SPOCK3: variants seen among roughly 807,000 people sequenced by gnomAD.
SPOCK3 encodes the protein testican-3.
In SPOCK3, 30 loss-of-function variants were observed where a neutral mutation model predicts 56.6. The observed-to-expected ratio is 0.53, with a 90% CI of 0.40 to 0.72. SPOCK3 has a LOEUF of 0.72. Among genes scored for constraint, SPOCK3 ranks in the 30% least tolerant of loss-of-function variants. The pLI, the probability that SPOCK3 is intolerant of heterozygous loss-of-function variation, is 0.00. For synonymous variants in SPOCK3, 196 were observed against 183.3 expected, an observed-to-expected ratio of 1.07 and a Z score of -0.56; for missense variants, 527 against 530.0, an observed-to-expected ratio of 0.99 and a Z score of 0.06.
intron 2 of SPOCK3, among the ~76,000 whole-genome samples, chr4:167,172,286 T>G (rs1730571968): frequency 6.6e-6 from 1 of 152,196 alleles, no homozygotes. Flanking sequence ...TTTTACAAAC[T>G]TCATTGACTT....
rs377135382 is a variant in SPOCK3 at position 166,924,201 on chromosome 4, A to C, written c.351-11458T>G. Among the ~76,000 whole-genome samples the C allele has an allele frequency of 7.3e-4, 111 of 152,176 alleles. 1 individual carries two copies. Among genetic ancestry groups the C allele is most frequent in the African/African-American group, 2.7e-3 (110 of 41,450 alleles). On this transcript the variant is annotated intron_variant, in intron 4 of 10. Coordinates refer to ENST00000357545, the MANE Select transcript of SPOCK3 (RefSeq NM_001040159.2). ...TCAATGTTATTTTATGCCATAATAT[A>C]AAGGAACATCACAAAATATTTAACA...
chr4:167,038,977 G>C (rs1275131113), intron 3 of SPOCK3, among the ~76,000 whole-genome samples: 1 of 151,996 alleles, frequency 6.6e-6, no homozygotes, highest in Non-Finnish European at 1.5e-5. Context: ...CTGCAAACTA[G>C]GTAGCTTAAA....
chr4:167,194,512 C>T (rs909272129), intron 2 of SPOCK3, among the ~76,000 whole-genome samples: 4 of 152,308 alleles, frequency 2.6e-5, no homozygotes, highest in African/African-American at 7.2e-5. Context: ...TTGTGATCCA[C>T]GTAGCCTTTC....
intron 2 of SPOCK3, among the ~76,000 whole-genome samples, chr4:167,205,499 ATATAT>A (rs1367129528): frequency 7.3e-5 from 4 of 54,984 alleles, no homozygotes; most frequent in African/African-American, 2.4e-4. Flanking sequence ...AATATATAAT[ATATAT>A]TATATAATAT....
rs140335382 is a variant in SPOCK3 at position 166,778,567 on chromosome 4, T to A, written c.709+13603A>T. Among the ~76,000 whole-genome samples the A allele has an allele frequency of 1.8e-3, 281 of 152,268 alleles. 1 individual carries two copies. The highest frequency in any genetic ancestry group is 6.3e-3 in the African/African-American group (263 of 41,554). On this transcript the variant is annotated intron_variant, in intron 7 of 10. Coordinates refer to ENST00000357545, the MANE Select transcript of SPOCK3 (RefSeq NM_001040159.2). Reference sequence around the variant, plus strand: ...CCATTCTGGTCCACACAGGATTCAATACACACTACTAGGCCTTGATTATTC... The same window carrying A: ...CCATTCTGGTCCACACAGGATTCAAAACACACTACTAGGCCTTGATTATTC...
intron 2 of SPOCK3, among the ~76,000 whole-genome samples, chr4:167,134,038 T>C (rs1762911942): frequency 7.0e-6 from 1 of 143,254 alleles, no homozygotes; most frequent in Admixed American, 7.0e-5. Context: ...TTTTTTTTTT[T>C]TTTTTTTTGA....
chr4:166,944,069 C>A (rs765465684), intron 4 of SPOCK3, among the ~76,000 whole-genome samples: 11 of 152,152 alleles, frequency 7.2e-5, no homozygotes, highest in Non-Finnish European at 1.6e-4. Flanking sequence ...ATCACTTGAA[C>A]CCGGGAGGCG....
chr4:167,030,091 A>G (rs1269139444), intron 3 of SPOCK3, among the ~76,000 whole-genome samples: 3 of 139,784 alleles, frequency 2.1e-5, no homozygotes, highest in Non-Finnish European at 4.7e-5. Flanking sequence ...CATTCTATCT[A>G]TCTATCTATC....
chr4:166,965,648 A>C (rs1223694482), intron 4 of SPOCK3, among the ~76,000 whole-genome samples: 1 of 151,922 alleles, frequency 6.6e-6, no homozygotes. Flanking sequence ...TCAAGTCTGA[A>C]AAATTATTGC....
At chr4:167,215,043 T>A (rs1735227702) in intron 2 of SPOCK3, among the ~76,000 whole-genome samples, 1 of 151,672 alleles carries the variant, frequency 6.6e-6, no homozygotes, top group African/African-American at 2.4e-5. Flanking sequence ...AAAGTTACAG[T>A]GTTCTTGTAA....
At chr4:167,055,472 C>T (rs1416696713) in intron 3 of SPOCK3, among the ~76,000 whole-genome samples, 2 of 152,110 alleles carry the variant, frequency 1.3e-5, no homozygotes, top group Non-Finnish European at 2.9e-5. Flanking sequence ...GTGCAGCACA[C>T]CGTGCGCGAG....
chr4:166,969,359 C>A (rs75624237), intron 4 of SPOCK3, among the ~76,000 whole-genome samples: 1 of 152,040 alleles, frequency 6.6e-6, no homozygotes, highest in Non-Finnish European at 1.5e-5. Context: ...TGTGCCCCCA[C>A]CCAAGTCTCA....
At chr4:166,913,658 G>A (rs1737523857) in intron 4 of SPOCK3, among the ~76,000 whole-genome samples, 1 of 151,890 alleles carries the variant, frequency 6.6e-6, no homozygotes, top group Admixed American at 6.6e-5. Flanking sequence ...CTACAAAATA[G>A]TGGTCCCAAA....
At chr4:167,189,496 G>A (rs1426283599) in intron 2 of SPOCK3, among the ~76,000 whole-genome samples, 1 of 144,988 alleles carries the variant, frequency 6.9e-6, no homozygotes, top group Non-Finnish European at 1.5e-5. Context: ...CTTTATTGAG[G>A]TACAATAAAT....
At chr4:167,220,219 T>C (rs985021525) in intron 2 of SPOCK3, among the ~76,000 whole-genome samples, 1 of 152,122 alleles carries the variant, frequency 6.6e-6, no homozygotes, top group Non-Finnish European at 1.5e-5. Context: ...TTTTCCATTT[T>C]ACATAATTTG....
At chr4:166,766,134 C>G (rs1701224343) in intron 7 of SPOCK3, among the ~76,000 whole-genome samples, 1 of 152,172 alleles carries the variant, frequency 6.6e-6, no homozygotes, top group African/African-American at 2.4e-5. Flanking sequence ...CATCTGCAAA[C>G]AGGGACAATT....
chr4:167,109,363 T>C (rs1355595984), intron 2 of SPOCK3, among the ~76,000 whole-genome samples: 1 of 37,114 alleles, frequency 2.7e-5, no homozygotes, highest in Non-Finnish European at 5.3e-5. Flanking sequence ...AATATATATT[T>C]ATATATATAT....
intron 2 of SPOCK3, among the ~76,000 whole-genome samples, chr4:167,185,752 C>T (rs1731892818): frequency 6.6e-6 from 1 of 152,080 alleles, no homozygotes; most frequent in African/African-American, 2.4e-5. Context: ...TAACAGCTGC[C>T]CTTCTACAAA....
chr4:166,927,946 G>A (rs192234009), intron 4 of SPOCK3, among the ~76,000 whole-genome samples: 1 of 152,264 alleles, frequency 6.6e-6, no homozygotes, highest in Admixed American at 6.5e-5. Flanking sequence ...CACCAAAGAT[G>A]ATATGCATAC....
Sources: gnomAD v4.1 joint callset for allele counts (sites outside exome capture counted in the v4.1 genomes callset) on GRCh38, gnomAD v4.1.1 for gene constraint, MANE v1.5 for transcripts, NCBI Gene and HGNC (gene_info 2026-07-23, HGNC 2026-07-21) for gene names.